The following SLIT3 variants were observed in gnomAD, a reference collection of about 807,000 sequenced individuals.
SLIT3 encodes the protein slit guidance ligand 3.
Under a neutral mutation model 184.0 loss-of-function variants are expected in SLIT3, and 68 were observed. The ratio of observed to expected loss-of-function variants is 0.37; its 90% CI spans 0.30 to 0.45. SLIT3 has a LOEUF of 0.45. Ranked by LOEUF, SLIT3 falls within the 20% of genes least tolerant of loss-of-function variation. The pLI, the probability that SLIT3 is intolerant of heterozygous loss-of-function variation, is 1.00. For synonymous variants in SLIT3, 831 were observed against 828.6 expected (o/e 1.00, Z -0.05); for missense variants, 1,707 against 2,026.0 (o/e 0.84, Z 3.02).
intron 18 of SLIT3, among the ~76,000 whole-genome samples, chr5:168,750,604 C>T (rs1754661175): frequency 6.6e-6 from 1 of 152,156 alleles, no homozygotes; most frequent in African/African-American, 2.4e-5. Flanking sequence ...CTTTGGGACT[C>T]TGCCCTTCTG....
chr5:169,129,516 C>T (rs971096638), intron 4 of SLIT3, among the ~76,000 whole-genome samples: 1 of 152,094 alleles, frequency 6.6e-6, no homozygotes, highest in Non-Finnish European at 1.5e-5. Flanking sequence ...TGCGCCATTG[C>T]ACTCCAGCCT....
intron 20 of SLIT3, 63 bp downstream of exon 20, chr5:168,748,239 A>T: frequency 7.1e-7 from 1 of 1,414,928 alleles, no homozygotes; most frequent in Non-Finnish European, 9.2e-7. Flanking sequence ...TCTGGGGTAA[A>T]GTATGGAGGA....
chr5:169,084,926 C>T (rs1167686185), intron 4 of SLIT3, among the ~76,000 whole-genome samples: 1 of 152,228 alleles, frequency 6.6e-6, no homozygotes, highest in African/African-American at 2.4e-5. Flanking sequence ...CCACTCACCA[C>T]CTGACCAACC....
chr5:168,793,800 TGG>T (rs11323030), intron 10 of SLIT3, among the ~76,000 whole-genome samples: 9,662 of 149,236 alleles, frequency 0.065, 1,007 homozygotes, highest in African/African-American at 0.22. Flanking sequence ...AAAAATGAAT[TGG>T]GGGGGGGGAT....
chr5:168,716,826 C>T (rs1762752646), intron 23 of SLIT3, among the ~76,000 whole-genome samples: 1 of 150,932 alleles, frequency 6.6e-6, no homozygotes, highest in African/African-American at 2.5e-5. Flanking sequence ...AGATGCTAGC[C>T]TGCGATGGGG....
chr5:169,187,111 G>GTTTT (rs761501769), intron 4 of SLIT3, among the ~76,000 whole-genome samples: 2,356 of 94,224 alleles, frequency 0.025, 261 homozygotes, highest in South Asian at 0.088. Flanking sequence ...GCAGCTATAG[G>GTTTT]TTTTTTTTTT....
In SLIT3 at chr5:169,183,064, T is replaced by G. The variant is rs539568587; in HGVS notation, c.413+10415A>C. Among the ~76,000 whole-genome samples, 411 of 152,260 alleles carry G rather than the reference T, an allele frequency of 2.7e-3. 2 individuals are homozygous for G. The highest frequency in any genetic ancestry group is 9.5e-3 in the African/African-American group (396 of 41,532). On this transcript the variant is annotated intron_variant, in intron 4 of 35. Coordinates refer to ENST00000519560, the MANE Select transcript of SLIT3 (RefSeq NM_003062.4). Reference sequence around the variant, plus strand: ...CGAGGTGGCAAGAAGCCCACACTTATACCCTCCGGGCTCAGGTTAGACATT... The same window carrying G: ...CGAGGTGGCAAGAAGCCCACACTTAGACCCTCCGGGCTCAGGTTAGACATT...
At chr5:168,913,754 A>C (rs1458695225) in intron 4 of SLIT3, among the ~76,000 whole-genome samples, 1 of 148,708 alleles carries the variant, frequency 6.7e-6, no homozygotes, top group Non-Finnish European at 1.5e-5. Flanking sequence ...AAAAAAAAAC[A>C]AACAAACAAA....
At chr5:169,143,845 C>T (rs1761833041) in intron 4 of SLIT3, among the ~76,000 whole-genome samples, 1 of 152,084 alleles carries the variant, frequency 6.6e-6, no homozygotes, top group Non-Finnish European at 1.5e-5. Flanking sequence ...GTGATGCATG[C>T]ATTAATATAT....
At chr5:169,089,804 T>C (rs1759500356) in intron 4 of SLIT3, among the ~76,000 whole-genome samples, 1 of 152,166 alleles carries the variant, frequency 6.6e-6, no homozygotes, top group Non-Finnish European at 1.5e-5. Flanking sequence ...TTAACTTGAG[T>C]GATAAGTTGC....
intron 16 of SLIT3, among the ~76,000 whole-genome samples, chr5:168,760,412 A>G (rs976864706): frequency 6.6e-6 from 1 of 152,202 alleles, no homozygotes; most frequent in African/African-American, 2.4e-5. Context: ...AGCTGCTGGC[A>G]TGTTCATTCT....
chr5:168,844,968 G>A (rs1758406636), intron 5 of SLIT3: 1 of 332,234 alleles, frequency 3.0e-6, no homozygotes, highest in Non-Finnish European at 5.5e-6. Context: ...TCCATTACGA[G>A]CTCTTACCGT....
intron 2 of SLIT3, among the ~76,000 whole-genome samples, chr5:169,247,012 C>T (rs1289139857): frequency 2.0e-5 from 3 of 147,688 alleles, no homozygotes; most frequent in Non-Finnish European, 3.0e-5. Context: ...AGGCAGATCA[C>T]GAGGTCAGGA....
rs1761668793 is a variant in SLIT3 at position 168,683,984 on chromosome 5, G to A, written c.3668C>T (p.Pro1223Leu). 2 of 1,589,574 alleles carry A rather than the reference G, an allele frequency of 1.3e-6. No homozygotes were observed. Among genetic ancestry groups the A allele is most frequent in the African/African-American group, 1.4e-5 (1 of 73,794 alleles). ...CCCTTACCTGTACACTGTGGTTGGA[G>A]GGGAACTCAGGCTGTCATAGACCAG... ...VRLVYDSLSS[P>L]PTTVYSVETV... The change falls in exon 32 of 36, where the codon CCT becomes CTT. Residue 1223 changes from proline to leucine, a missense_variant. Transcript: ENST00000519560.
At chr5:169,115,025 A>G (rs933733710) in intron 4 of SLIT3, among the ~76,000 whole-genome samples, 1 of 152,204 alleles carries the variant, frequency 6.6e-6, no homozygotes, top group Admixed American at 6.5e-5. Context: ...GAGAATGTAC[A>G]TATTTCCAGG....
intron 3 of SLIT3, among the ~76,000 whole-genome samples, chr5:169,200,554 C>T (rs1763878327): frequency 6.6e-6 from 1 of 152,076 alleles, no homozygotes; most frequent in South Asian, 2.1e-4. Flanking sequence ...GGGATGATGA[C>T]TACAGACTCC....
At chr5:168,892,575 C>G (rs1203428872) in intron 4 of SLIT3, among the ~76,000 whole-genome samples, 1 of 152,178 alleles carries the variant, frequency 6.6e-6, no homozygotes, top group Non-Finnish European at 1.5e-5. Context: ...GGGCAGCAAG[C>G]CATGGTTTAG....
At chr5:169,253,647 G>A (rs966170751) in intron 1 of SLIT3, among the ~76,000 whole-genome samples, 1 of 152,154 alleles carries the variant, frequency 6.6e-6, no homozygotes, top group African/African-American at 2.4e-5. Flanking sequence ...CACTTGTTAA[G>A]TACTCAATCA....
At chr5:169,220,096 GACCCAGC>G (rs765772185) in intron 3 of SLIT3, among the ~76,000 whole-genome samples, 2 of 152,022 alleles carry the variant, frequency 1.3e-5, no homozygotes, top group Non-Finnish European at 2.9e-5. Flanking sequence ...CCCCTCTTTA[GACCCAGC>G]ACCACTCTCA....
Sources: gnomAD v4.1 joint callset for allele counts (sites outside exome capture counted in the v4.1 genomes callset) on GRCh38, gnomAD v4.1.1 for gene constraint, MANE v1.5 for transcripts, NCBI Gene and HGNC (gene_info 2026-07-23, HGNC 2026-07-21) for gene names.